ACSS3: variants seen among roughly 807,000 people sequenced by gnomAD.
ACSS3 encodes the protein acyl-CoA synthetase short-chain family member 3, mitochondrial.
A neutral mutation model predicts 84.2 loss-of-function variants in ACSS3; 64 were observed. That is an observed-to-expected ratio of 0.76 (90% CI 0.62 to 0.94). The LOEUF (loss-of-function observed/expected upper bound fraction) is 0.94. Among genes scored for constraint, ACSS3 ranks in the 40% least tolerant of loss-of-function variants. The pLI, the probability that ACSS3 is intolerant of heterozygous loss-of-function variation, is 0.00. For missense variants in ACSS3, 815 were observed against 867.6 expected (o/e 0.94, Z 0.76); for synonymous variants, 317 against 310.1 (o/e 1.02, Z -0.23).
upstream of ACSS3, chr12:81,077,908 G>A (rs999608624): frequency 2.3e-5 from 12 of 516,888 alleles, no homozygotes; most frequent in African/African-American, 2.2e-4. Flanking sequence ...ACGGCGCTGT[G>A]ACACCCCTGT....
intron 1 of ACSS3, among the ~76,000 whole-genome samples, chr12:81,098,432 A>G (rs1882244031): frequency 6.6e-6 from 1 of 152,184 alleles, no homozygotes; most frequent in Non-Finnish European, 1.5e-5. Context: ...AATATGCCCT[A>G]GGAACTTAAC....
intron 12 of ACSS3, 45 bp from the exon 13 acceptor site, chr12:81,233,303 AG>A (rs2033525697): frequency 6.3e-7 from 1 of 1,578,084 alleles, no homozygotes; most frequent in Non-Finnish European, 8.7e-7. Flanking sequence ...TGATTACATT[AG>A]TTAACAGTAC....
intron 11 of ACSS3, among the ~76,000 whole-genome samples, chr12:81,223,094 A>G (rs949170725): frequency 6.6e-6 from 1 of 152,062 alleles, no homozygotes; most frequent in African/African-American, 2.4e-5. Flanking sequence ...AGGGCATGAA[A>G]GAAAATTTTA....
intron 8 of ACSS3, among the ~76,000 whole-genome samples, chr12:81,180,911 C>T (rs1468622429): frequency 6.6e-6 from 1 of 152,152 alleles, no homozygotes; most frequent in Non-Finnish European, 1.5e-5. Flanking sequence ...CTCATTGAAC[C>T]TCTTTGAATT....
At chr12:81,084,294 G>T (rs1313708115) in intron 1 of ACSS3, among the ~76,000 whole-genome samples, 1 of 152,176 alleles carries the variant, frequency 6.6e-6, no homozygotes, top group Non-Finnish European at 1.5e-5. Flanking sequence ...GGAAATGAGG[G>T]ATATTGGGAA....
chr12:81,197,418 T>C (rs1409643410), intron 8 of ACSS3, among the ~76,000 whole-genome samples: 4 of 152,144 alleles, frequency 2.6e-5, no homozygotes, highest in Non-Finnish European at 5.9e-5. Context: ...CGTGAGAACT[T>C]GAGAATTTTC....
chr12:81,182,733 G>A (rs2031018856), intron 8 of ACSS3, among the ~76,000 whole-genome samples: 3 of 152,116 alleles, frequency 2.0e-5, no homozygotes, highest in Admixed American at 2.0e-4. Context: ...TTTAAAAACT[G>A]TTTTTCTTTC....
At position 81,248,008 on chromosome 12, in the gene ACSS3, G is replaced by A. The variant is rs189853589; in HGVS notation, c.1720-5299G>A. On this transcript the variant is annotated intron_variant, in intron 13 of 15. Transcript: ENST00000548058. ...GTTTCCCTAAGTAAACATTTTATGA[G>A]TAATTATTAGAAAGACAAAAAAGTG... is the stretch of plus-strand genomic sequence containing the variant. Among the ~76,000 whole-genome samples the A allele has an allele frequency of 4.6e-5, 7 of 152,110 alleles. No homozygotes were observed. The East Asian group carries it at 1.2e-3, about 25-fold the overall frequency.
intron 8 of ACSS3, among the ~76,000 whole-genome samples, chr12:81,188,933 C>G (rs1267939637): frequency 6.6e-6 from 1 of 152,060 alleles, no homozygotes; most frequent in Non-Finnish European, 1.5e-5. Flanking sequence ...GGTGAGAACA[C>G]TTTACATTTA....
chr12:81,235,643 T>C (rs1437005957), intron 13 of ACSS3, among the ~76,000 whole-genome samples: 1 of 151,520 alleles, frequency 6.6e-6, no homozygotes, highest in Non-Finnish European at 1.5e-5. Flanking sequence ...TTAGGATTTC[T>C]TTGGTATGTT....
intron 2 of ACSS3, among the ~76,000 whole-genome samples, chr12:81,130,164 T>C (rs1885395966): frequency 6.6e-6 from 1 of 152,218 alleles, no homozygotes; most frequent in African/African-American, 2.4e-5. Context: ...CTGAGTCAAA[T>C]GGTATTTCTA....
chr12:81,187,719 A>G (rs553105874), intron 8 of ACSS3, among the ~76,000 whole-genome samples: 18 of 152,096 alleles, frequency 1.2e-4, no homozygotes, highest in African/African-American at 4.3e-4. Flanking sequence ...TCTGTTTCCT[A>G]TATTTTAAAG....
At chr12:81,120,608 T>A (rs1172881058) in intron 2 of ACSS3, among the ~76,000 whole-genome samples, 4 of 152,208 alleles carry the variant, frequency 2.6e-5, no homozygotes, top group Admixed American at 6.5e-5. Flanking sequence ...GTATTTTTCA[T>A]ATAAGGTTTT....
intron 8 of ACSS3, among the ~76,000 whole-genome samples, chr12:81,176,169 G>A (rs1007831968): frequency 6.6e-6 from 1 of 152,164 alleles, no homozygotes; most frequent in Non-Finnish European, 1.5e-5. Context: ...GGGAACATTA[G>A]CATTGATTCA....
Position 81,253,532 on chromosome 12 carries a change from T to C in ACSS3, c.1857T>C (p.Ile619=), listed in dbSNP as rs756379269. Residue 619 remains isoleucine, a synonymous_variant, in exon 15 of 16, where the codon ATT becomes ATC. Coordinates refer to ENST00000548058, the MANE Select transcript of ACSS3 (RefSeq NM_024560.4). The part of the protein sequence containing the change: ...NATEEQVLEE[I]VKHVRQNIGP... ...CAGAGGAGCAAGTTTTGGAAGAAAT[T>C]GTGAAACACGTTAGACAGAACATTG... 6.2e-7 allele frequency: 1 copy of C among 1,613,938 alleles called. No homozygotes were observed. The highest frequency in any genetic ancestry group is 8.5e-7 in the Non-Finnish European group (1 of 1,179,892).
At chr12:81,138,808 G>A (rs902011130) in intron 3 of ACSS3, among the ~76,000 whole-genome samples, 1 of 152,092 alleles carries the variant, frequency 6.6e-6, no homozygotes, top group African/African-American at 2.4e-5. Flanking sequence ...GCAAGTAAGG[G>A]GCCTCAAGAT....
At chr12:81,217,238 A>G (rs1593209958) in intron 10 of ACSS3, among the ~76,000 whole-genome samples, 1 of 152,166 alleles carries the variant, frequency 6.6e-6, no homozygotes, top group Admixed American at 6.5e-5. Context: ...TGTTAGGAAT[A>G]TGGGTGTGAA....
chr12:81,201,916 C>G (rs555020988), intron 9 of ACSS3, among the ~76,000 whole-genome samples: 1 of 152,020 alleles, frequency 6.6e-6, no homozygotes, highest in Non-Finnish European at 1.5e-5. Flanking sequence ...GTTAGGATCT[C>G]TATACGTTTG....
intron 5 of ACSS3, 82 bp from the exon 6 acceptor site, chr12:81,151,762 A>G (rs1886619684): frequency 8.2e-7 from 1 of 1,225,310 alleles, no homozygotes; most frequent in East Asian, 2.4e-5. Context: ...TTGACCAGGA[A>G]CTTTTAAAGT....
Sources: gnomAD v4.1 joint callset for allele counts (sites outside exome capture counted in the v4.1 genomes callset) on GRCh38, gnomAD v4.1.1 for gene constraint, MANE v1.5 for transcripts, NCBI Gene and HGNC (gene_info 2026-07-23, HGNC 2026-07-21) for gene names.